The following GPHN variants were observed in gnomAD, a reference collection of about 807,000 sequenced individuals.
The protein encoded by GPHN is gephyrin.
Under a neutral mutation model 95.5 loss-of-function variants are expected in GPHN, and 17 were observed. That is an observed-to-expected ratio of 0.18 (90% CI 0.12 to 0.27). The LOEUF is 0.27. Among genes scored for constraint, GPHN ranks in the 10% least tolerant of loss-of-function variants. The pLI is 1.00. For missense variants in GPHN, 660 were observed against 978.1 expected (o/e 0.67, Z 4.34); for synonymous variants, 320 against 322.5 (o/e 0.99, Z 0.08).
chr14:66,797,021 C>CTTTTTTT (rs369681377), intron 3 of GPHN, among the ~76,000 whole-genome samples: 17 of 81,194 alleles, frequency 2.1e-4, no homozygotes, highest in South Asian at 3.7e-4. Context: ...TATCTAGTTC[C>CTTTTTTT]TTTTTTTTTT....
At chr14:67,340,032 CAAAAA>C in the GPHN span, 12 of 71,780 alleles carry the variant, frequency 1.7e-4, no homozygotes, top group Admixed American at 9.5e-4. Flanking sequence ...CTCTGTCTCA[CAAAAA>C]AAAAAAAAAA....
At chr14:67,211,092 C>T in the GPHN span, among the ~76,000 whole-genome samples, 1 of 152,178 alleles carries the variant, frequency 6.6e-6, no homozygotes, top group African/African-American at 2.4e-5. Flanking sequence ...TGATCTTGGG[C>T]AAGTTACTTA....
the GPHN span, chr14:67,660,177 A>G: frequency 8.4e-6 from 3 of 359,096 alleles, no homozygotes; most frequent in Non-Finnish European, 1.5e-5. Context: ...AGTACTTTAT[A>G]GCTTACTAAA....
At chr14:67,331,335 C>G in the GPHN span, among the ~76,000 whole-genome samples, 4 of 152,144 alleles carry the variant, frequency 2.6e-5, no homozygotes, top group African/African-American at 9.7e-5. Flanking sequence ...GGGGGAGCCC[C>G]TGCGCTGGTA....
At chr14:66,949,844 T>C (rs540002139) in intron 8 of GPHN, among the ~76,000 whole-genome samples, 5 of 152,238 alleles carry the variant, frequency 3.3e-5, no homozygotes, top group African/African-American at 1.2e-4. Flanking sequence ...TATGTTTACT[T>C]TATTGGCATT....
At chr14:66,822,941 G>A (rs989314907) in intron 3 of GPHN, among the ~76,000 whole-genome samples, 8 of 152,066 alleles carry the variant, frequency 5.3e-5, no homozygotes, top group Non-Finnish European at 8.8e-5. Context: ...TACATCAGTC[G>A]GAAAACAAAG....
chr14:67,632,706 T>G, the GPHN span, among the ~76,000 whole-genome samples: 2 of 151,784 alleles, frequency 1.3e-5, no homozygotes, highest in Non-Finnish European at 2.9e-5. Context: ...TTAGTCATTA[T>G]GAAGATTCAC....
chr14:66,734,055 A>T (rs1055481228), intron 2 of GPHN, among the ~76,000 whole-genome samples: 10 of 152,180 alleles, frequency 6.6e-5, no homozygotes, highest in African/African-American at 2.4e-4. Context: ...TTAAGCCAAC[A>T]TCATCTCTAA....
chr14:66,940,111 A>G (rs901233364), intron 8 of GPHN, among the ~76,000 whole-genome samples: 12 of 152,086 alleles, frequency 7.9e-5, no homozygotes, highest in Admixed American at 2.0e-4. Flanking sequence ...TCCTAAGCCA[A>G]TCAGTTTAAG....
At chr14:66,586,254 C>G (rs2061414982) in intron 1 of GPHN, among the ~76,000 whole-genome samples, 1 of 152,050 alleles carries the variant, frequency 6.6e-6, no homozygotes, top group African/African-American at 2.4e-5. Context: ...AGATCTTCCT[C>G]CATCCCTTTA....
chr14:67,313,074 C>G, the GPHN span, among the ~76,000 whole-genome samples: 1 of 152,070 alleles, frequency 6.6e-6, no homozygotes, highest in Admixed American at 6.6e-5. Context: ...AGATGCATAA[C>G]TTTATAAGGA....
intron 1 of GPHN, among the ~76,000 whole-genome samples, chr14:66,584,678 G>A (rs1444553139): frequency 6.6e-6 from 1 of 152,026 alleles, no homozygotes; most frequent in East Asian, 1.9e-4. Flanking sequence ...TTGTTTATAT[G>A]CTGGATTACA....
At chr14:66,563,998 A>C (rs2060364168) in intron 1 of GPHN, among the ~76,000 whole-genome samples, 1 of 152,152 alleles carries the variant, frequency 6.6e-6, no homozygotes, top group South Asian at 2.1e-4. Flanking sequence ...GAATACTTGC[A>C]TGTTTCATTT....
the GPHN span, among the ~76,000 whole-genome samples, chr14:67,457,975 G>A: frequency 6.6e-6 from 1 of 152,210 alleles, no homozygotes. Context: ...CTTCTTAGCT[G>A]GTCAGAGTGC....
the GPHN span, among the ~76,000 whole-genome samples, chr14:67,381,145 A>G: frequency 4.6e-5 from 7 of 152,216 alleles, no homozygotes; most frequent in Admixed American, 2.0e-4. Flanking sequence ...ATTGCAGAAC[A>G]TAGGAATCTT....
chr14:67,269,595 A>G, the GPHN span: 1 of 152,582 alleles, frequency 6.6e-6, no homozygotes, highest in Non-Finnish European at 1.5e-5. Flanking sequence ...CTATCTGCAG[A>G]CAGAATTGGT....
the GPHN span, among the ~76,000 whole-genome samples, chr14:67,205,449 G>A: frequency 6.6e-6 from 1 of 152,170 alleles, no homozygotes; most frequent in East Asian, 1.9e-4. Context: ...CACTTCTAAA[G>A]GATATTAATA....
chr14:67,647,617 C>T, the GPHN span: 33 of 156,804 alleles, frequency 2.1e-4, no homozygotes, highest in South Asian at 2.0e-4. Context: ...GCTGCTGTTA[C>T]GTTCAGAGAA....
At chr14:66,601,219 A>G (rs565136124) in intron 1 of GPHN, among the ~76,000 whole-genome samples, 1 of 152,166 alleles carries the variant, frequency 6.6e-6, no homozygotes, top group East Asian at 1.9e-4. Flanking sequence ...TTTTGCTCAA[A>G]TAACTAAATT....
Sources: allele counts gnomAD v4.1 joint callset (sites outside exome capture counted in the v4.1 genomes callset), GRCh38; gene constraint gnomAD v4.1.1; transcripts MANE v1.5; gene names NCBI Gene and HGNC (gene_info 2026-07-23, HGNC 2026-07-21).